The following GRIN2A variants were observed in gnomAD, a reference collection of about 807,000 sequenced individuals.
The protein encoded by GRIN2A is glutamate ionotropic receptor NMDA type subunit 2A, also known as glutamate receptor ionotropic, NMDA 2A.
GRIN2A carries 22 observed loss-of-function variants against 113.4 expected under a neutral mutation model. The ratio of observed to expected loss-of-function variants is 0.19; its 90% CI spans 0.14 to 0.28. GRIN2A has a LOEUF of 0.28. GRIN2A is among the 10% of genes least tolerant of loss of function. GRIN2A has a pLI of 1.00. For missense variants in GRIN2A, 1,502 were observed against 1,887.0 expected, an observed-to-expected ratio of 0.80 and a Z score of 3.78; for synonymous variants, 827 against 738.4, an observed-to-expected ratio of 1.12 and a Z score of -1.94.
intron 11 of GRIN2A, among the ~76,000 whole-genome samples, chr16:9,794,029 TG>T (rs1902796813): frequency 6.6e-6 from 1 of 152,212 alleles, no homozygotes; most frequent in South Asian, 2.1e-4. Flanking sequence ...CAGTAAATGT[TG>T]GGTATCGATG....
chr16:9,840,319 T>C (rs113962419), intron 7 of GRIN2A, among the ~76,000 whole-genome samples: 8 of 152,026 alleles, frequency 5.3e-5, no homozygotes, highest in African/African-American at 1.9e-4. Context: ...ATAATAATAA[T>C]ATAATGAGAG....
chr16:9,763,934 T>C lies in GRIN2A; in HGVS notation c.3610A>G (p.Ser1204Gly). ...KDKGSPHSETSERYRQNSTHC... is the reference protein window; with the variant it reads ...KDKGSPHSETGERYRQNSTHC... The stretch of plus-strand genomic sequence containing the variant: ...GTGGAGTTCTGCCGGTATCGCTCGC[T>C]GGTCTCACTGTGCGGGGAACCCTTG... Residue 1204 changes from serine to glycine, a missense_variant, in exon 13 of 13, where the codon AGC (serine) becomes GGC (glycine). Physicochemically the swap from Ser to Gly is moderately conservative, Grantham distance 56 (BLOSUM62 0). This residue lies in a region of GRIN2A where 832 missense variants were observed against 789.7 expected (regional missense o/e 1.05). Coordinates refer to ENST00000330684, the MANE Select transcript of GRIN2A (RefSeq NM_001134407.3). The C allele has an allele frequency of 6.2e-7, 1 of 1,614,128 alleles. No homozygotes were observed.
At chr16:10,107,137 T>C (rs1256321112) in intron 2 of GRIN2A, among the ~76,000 whole-genome samples, 3 of 152,174 alleles carry the variant, frequency 2.0e-5, no homozygotes, top group Non-Finnish European at 2.9e-5. Flanking sequence ...GAAGGAATGT[T>C]GAACCAAGCA....
intron 11 of GRIN2A, among the ~76,000 whole-genome samples, chr16:9,795,012 CATGATGATG>C (rs144855272): frequency 4.0e-5 from 6 of 151,174 alleles, no homozygotes; most frequent in East Asian, 1.9e-4. Flanking sequence ...TGGCAATGGT[CATGATGATG>C]ATGATGATGA....
chr16:10,116,854 C>T (rs1212227171), intron 2 of GRIN2A, among the ~76,000 whole-genome samples: 1 of 152,124 alleles, frequency 6.6e-6, no homozygotes, highest in South Asian at 2.1e-4. Flanking sequence ...TCCCCTGCCA[C>T]TTCAGGTCTG....
chr16:9,938,821 C>T (rs1389727802), intron 2 of GRIN2A, among the ~76,000 whole-genome samples: 2 of 152,142 alleles, frequency 1.3e-5, no homozygotes, highest in East Asian at 1.9e-4. Flanking sequence ...TCCTCTAGTT[C>T]GTCCTGCCCC....
intron 2 of GRIN2A, among the ~76,000 whole-genome samples, chr16:10,050,761 G>A (rs894209516): frequency 5.9e-5 from 9 of 152,042 alleles, no homozygotes; most frequent in African/African-American, 1.4e-4. Flanking sequence ...TGTCTTCCAC[G>A]AAACTGGTCC....
chr16:9,968,438 C>G (rs762908233), intron 2 of GRIN2A, among the ~76,000 whole-genome samples: 5 of 152,128 alleles, frequency 3.3e-5, no homozygotes, highest in Non-Finnish European at 5.9e-5. Context: ...CTCAGCCTCC[C>G]AAGTAGCTGG....
intron 2 of GRIN2A, among the ~76,000 whole-genome samples, chr16:10,038,566 A>G (rs79102236): frequency 0.22 from 32,712 of 151,792 alleles, 4,223 homozygotes; most frequent in East Asian, 0.52. Context: ...ATTGCCGGCC[A>G]GGCGCGGTGG....
chr16:9,924,666 A>C (rs2044422303), intron 3 of GRIN2A, among the ~76,000 whole-genome samples: 1 of 152,152 alleles, frequency 6.6e-6, no homozygotes, highest in African/African-American at 2.4e-5. Flanking sequence ...CAGGGATTCA[A>C]ATTAAACATA....
chr16:10,078,027 G>A (rs906006669), intron 2 of GRIN2A, among the ~76,000 whole-genome samples: 2 of 152,134 alleles, frequency 1.3e-5, no homozygotes, highest in East Asian at 1.9e-4. Flanking sequence ...TGCAAAATGC[G>A]GTTGTGGTAA....
chr16:9,937,944 C>T lies in GRIN2A; in HGVS notation c.1007+15G>A, dbSNP rs940783930. On this transcript the variant is annotated intron_variant, in intron 3 of 12. Transcript: ENST00000330684. ...ACTCTGATCCCACTTTGGGAGACAA[C>T]AAGCCCTTTCTTACGGGTGCAAGGT... The T allele has an allele frequency of 6.3e-6, 10 of 1,586,844 alleles. No homozygotes were observed. Among genetic ancestry groups the T allele is most frequent in the Non-Finnish European group, 7.8e-6 (9 of 1,155,662 alleles).
intron 4 of GRIN2A, among the ~76,000 whole-genome samples, chr16:9,869,022 G>A (rs1410550524): frequency 6.6e-6 from 1 of 152,120 alleles, no homozygotes; most frequent in East Asian, 1.9e-4. Flanking sequence ...TGTGAGACCT[G>A]CACACTCATC....
At chr16:10,076,115 C>T (rs1055505490) in intron 2 of GRIN2A, among the ~76,000 whole-genome samples, 2 of 152,144 alleles carry the variant, frequency 1.3e-5, no homozygotes, top group African/African-American at 4.8e-5. Flanking sequence ...TAGGGCTAAC[C>T]AGACCATTCT....
intron 2 of GRIN2A, among the ~76,000 whole-genome samples, chr16:10,098,942 C>CGAAA (rs1555479439): frequency 1.4e-5 from 2 of 144,526 alleles, no homozygotes; most frequent in African/African-American, 2.6e-5. Context: ...CTCCCCCCCC[C>CGAAA]AAAAAAAACC....
intron 2 of GRIN2A, among the ~76,000 whole-genome samples, chr16:10,035,975 G>T (rs975758409): frequency 6.6e-6 from 1 of 152,106 alleles, no homozygotes; most frequent in Non-Finnish European, 1.5e-5. Context: ...CCGCCTGCCT[G>T]GGCCTCCCAA....
intron 2 of GRIN2A, among the ~76,000 whole-genome samples, chr16:10,059,174 G>C (rs1449891221): frequency 6.6e-6 from 1 of 152,212 alleles, no homozygotes; most frequent in Non-Finnish European, 1.5e-5. Flanking sequence ...AGCAGCTGCA[G>C]ATGTGCTGGG....
chr16:9,797,162 T>C (rs539168454), intron 11 of GRIN2A, among the ~76,000 whole-genome samples: 3 of 152,366 alleles, frequency 2.0e-5, no homozygotes, highest in African/African-American at 7.2e-5. Context: ...TAGATTTTTC[T>C]CTCCCACCTG....
chr16:9,787,419 C>A (rs531790318), intron 11 of GRIN2A, among the ~76,000 whole-genome samples: 2 of 152,192 alleles, frequency 1.3e-5, no homozygotes, highest in African/African-American at 2.4e-5. Context: ...TACCCCACTT[C>A]GGGTTATCCC....
Sources: allele counts gnomAD v4.1 joint callset (sites outside exome capture counted in the v4.1 genomes callset), GRCh38; gene constraint gnomAD v4.1.1; regional missense constraint gnomAD v4.1.1; transcripts MANE v1.5; gene names NCBI Gene and HGNC (gene_info 2026-07-23, HGNC 2026-07-21).